UNC13A: variants seen among roughly 807,000 people sequenced by gnomAD.
UNC13A encodes unc-13 homolog A.
Under a neutral mutation model 219.7 loss-of-function variants are expected in UNC13A, and 61 were observed. The ratio of observed to expected loss-of-function variants is 0.28; its 90% CI spans 0.23 to 0.34. The LOEUF (loss-of-function observed/expected upper bound fraction) is 0.34, where lower values mean the gene tolerates loss of function less well. UNC13A is among the 10% of genes least tolerant of loss of function. The probability of loss-of-function intolerance (pLI) is 1.00; values close to 1 mark genes in which losing one functional copy is unlikely to be tolerated. For synonymous variants in UNC13A, 920 were observed against 884.6 expected, an observed-to-expected ratio of 1.04 and a Z score of -0.71; for missense variants, 1,476 against 2,270.3, an observed-to-expected ratio of 0.65 and a Z score of 7.11.
At chr19:17,608,554 G>T (rs900558956) in intron 43 of UNC13A, among the ~76,000 whole-genome samples, 3 of 146,798 alleles carry the variant, frequency 2.0e-5, no homozygotes, top group African/African-American at 7.8e-5. Context: ...GTCTTGCTCT[G>T]TTGCCCAGGC....
chr19:17,667,468 T>C (rs1389373200), intron 6 of UNC13A, among the ~76,000 whole-genome samples: 1 of 152,076 alleles, frequency 6.6e-6, no homozygotes, highest in Non-Finnish European at 1.5e-5. Flanking sequence ...TTTATTTTAT[T>C]ATTATTATCA....
chr19:17,629,359 C>T (rs991735317), intron 30 of UNC13A, 36 bp from the exon 31 acceptor site: 1 of 1,581,906 alleles, frequency 6.3e-7, no homozygotes, highest in Non-Finnish European at 8.6e-7. Context: ...AGAGGAGAGG[C>T]TGGCACCAAG....
At chr19:17,630,113 C>T in intron 30 of UNC13A, 32 bp downstream of exon 30, 13 of 1,550,240 alleles carry the variant, frequency 8.4e-6, no homozygotes, top group Middle Eastern at 1.7e-4. Flanking sequence ...TGACCCTGTC[C>T]CCTAGCCCCA....
intron 7 of UNC13A, among the ~76,000 whole-genome samples, chr19:17,665,656 A>G (rs2079626142): frequency 6.6e-6 from 1 of 152,192 alleles, no homozygotes. Flanking sequence ...TTAGTGAAAC[A>G]GCCTTCGTCT....
chr19:17,628,094 T>G, intron 31 of UNC13A, 154 bp from the exon 32 acceptor site: 1 of 681,852 alleles, frequency 1.5e-6, no homozygotes, highest in Non-Finnish European at 2.5e-6. Context: ...GGAGCTTTTG[T>G]GCTCAGGTTC....
intron 11 of UNC13A, among the ~76,000 whole-genome samples, chr19:17,654,725 A>G (rs1338229498): frequency 2.6e-5 from 4 of 152,050 alleles, no homozygotes; most frequent in Non-Finnish European, 4.4e-5. Context: ...ATGACCTCCA[A>G]TTTGGCCCTA....
At chr19:17,648,733 C>T (rs964830332) in intron 15 of UNC13A, 83 bp from the exon 16 acceptor site, 2 of 1,551,358 alleles carry the variant, frequency 1.3e-6, no homozygotes, top group East Asian at 2.3e-5. Flanking sequence ...CATCACTGAG[C>T]GCGGTAAAGT....
intron 1 of UNC13A, among the ~76,000 whole-genome samples, chr19:17,679,448 A>T (rs2079964887): frequency 6.6e-6 from 1 of 151,142 alleles, no homozygotes. Flanking sequence ...AGGGGGAAAG[A>T]TTTCCACTAG....
rs193189113 is a variant in UNC13A, at chr19:17,679,818, C to T, written c.23-3777G>A. Among the ~76,000 whole-genome samples, 113 of 152,218 alleles carry T rather than the reference C, an allele frequency of 7.4e-4. 1 individual carries two copies. The highest frequency in any genetic ancestry group is 1.8e-3 in the Admixed American group (27 of 15,280). The stretch of plus-strand genomic sequence containing the variant: ...TGTCTCTGCCCTTCTTGTGCCCCTC[C>T]CTTGGTCAGTCCGGCTCCTCTTCCC... On this transcript the variant is annotated intron_variant, in intron 1 of 43. Transcript: ENST00000519716.
chr19:17,659,746 G>T (rs760682533), intron 8 of UNC13A, among the ~76,000 whole-genome samples: 3 of 152,164 alleles, frequency 2.0e-5, no homozygotes, highest in Non-Finnish European at 2.9e-5. Flanking sequence ...TGCAGTCTGG[G>T]TGTCAGAATG....
chr19:17,671,462 TGGG>T (rs1356911066), intron 4 of UNC13A, among the ~76,000 whole-genome samples: 1 of 151,946 alleles, frequency 6.6e-6, no homozygotes, highest in Non-Finnish European at 1.5e-5. Context: ...GATTGGGCTG[TGGG>T]GACAGATGAA....
chr19:17,658,038 C>A (rs771106223), intron 9 of UNC13A, 24 bp downstream of exon 9: 10 of 1,607,108 alleles, frequency 6.2e-6, no homozygotes, highest in Non-Finnish European at 7.7e-6. Flanking sequence ...GACCCACATG[C>A]ATGCTGCACT....
intron 41 of UNC13A, among the ~76,000 whole-genome samples, chr19:17,617,160 A>T (rs2076675127): frequency 6.6e-6 from 1 of 152,004 alleles, no homozygotes; most frequent in Non-Finnish European, 1.5e-5. Flanking sequence ...ATGACGTCAA[A>T]GTTCCCACCC....
chr19:17,615,110 G>A (rs1423361202), intron 41 of UNC13A, among the ~76,000 whole-genome samples: 1 of 152,222 alleles, frequency 6.6e-6, no homozygotes, highest in African/African-American at 2.4e-5. Context: ...CGGACAAGTG[G>A]TTGAATCTCC....
intron 3 of UNC13A, among the ~76,000 whole-genome samples, chr19:17,672,804 A>C (rs8108634): frequency 0.055 from 8,360 of 152,116 alleles, 506 homozygotes; most frequent in African/African-American, 0.15. Flanking sequence ...GCCCTCCAAC[A>C]CTGACCATGC....
intron 12 of UNC13A, 149 bp downstream of exon 12, chr19:17,652,482 A>T (rs1405573087): frequency 1.1e-6 from 1 of 915,778 alleles, no homozygotes; most frequent in African/African-American, 1.6e-5. Flanking sequence ...TGTGTGCCTT[A>T]TGAAAGTGAC....
At chr19:17,666,879 CACGAGAGAGA>C (rs540790368) in intron 6 of UNC13A, among the ~76,000 whole-genome samples, 175 bp from the exon 7 acceptor site, 4 of 116,412 alleles carry the variant, frequency 3.4e-5, no homozygotes, top group African/African-American at 9.5e-5. Flanking sequence ...CACACACACA[CACGAGAGAGA>C]GAGAGAGAGA....
intron 41 of UNC13A, among the ~76,000 whole-genome samples, chr19:17,616,153 G>T (rs1264841718): frequency 6.6e-6 from 1 of 152,200 alleles, no homozygotes; most frequent in East Asian, 1.9e-4. Context: ...CGGGGTCCCA[G>T]GATCTGGCTT....
chr19:17,609,912 C>T (rs1568497371), intron 43 of UNC13A, 28 bp downstream of exon 43: 2 of 1,612,048 alleles, frequency 1.2e-6, no homozygotes, highest in South Asian at 1.1e-5. Context: ...CCCTTGCCCC[C>T]ATGCTCTTCA....
Sources: gnomAD v4.1 joint callset for allele counts (sites outside exome capture counted in the v4.1 genomes callset) on GRCh38, gnomAD v4.1.1 for gene constraint, MANE v1.5 for transcripts, NCBI Gene and HGNC (gene_info 2026-07-23, HGNC 2026-07-21) for gene names.